PRKD1: variants seen among roughly 807,000 people sequenced by gnomAD.
The protein encoded by PRKD1 is serine/threonine-protein kinase D1.
Under a neutral mutation model 95.9 loss-of-function variants are expected in PRKD1, and 63 were observed. The observed-to-expected ratio is 0.66, with a 90% CI of 0.54 to 0.81. PRKD1 has a LOEUF of 0.81. Ranked by LOEUF, PRKD1 falls within the 30% of genes least tolerant of loss-of-function variation. The probability of loss-of-function intolerance (pLI) is 0.00; values close to 1 mark genes in which losing one functional copy is unlikely to be tolerated. For missense variants in PRKD1, 1,048 were observed against 1,165.3 expected, an observed-to-expected ratio of 0.90 and a Z score of 1.47; for synonymous variants, 425 against 423.1, an observed-to-expected ratio of 1.00 and a Z score of -0.05.
intron 1 of PRKD1, among the ~76,000 whole-genome samples, chr14:29,784,432 G>A (rs1242740941): frequency 6.6e-6 from 1 of 152,150 alleles, no homozygotes; most frequent in African/African-American, 2.4e-5. Flanking sequence ...TGTGAAGAAT[G>A]TCATTGGTAT....
At chr14:29,578,202 A>C (rs936437190) in intron 17 of PRKD1, 73 bp downstream of exon 17, 1 of 1,188,738 alleles carries the variant, frequency 8.4e-7, no homozygotes, top group Non-Finnish European at 1.2e-6. Flanking sequence ...ATTGCAAAAG[A>C]TTTCTAAATA....
intron 1 of PRKD1, among the ~76,000 whole-genome samples, chr14:29,740,250 G>A (rs1243039781): frequency 6.6e-6 from 1 of 152,084 alleles, no homozygotes; most frequent in Non-Finnish European, 1.5e-5. Flanking sequence ...ATAGCACAAT[G>A]AAGATTTTTA....
At chr14:29,827,220 T>C (rs1412217565) in intron 1 of PRKD1, among the ~76,000 whole-genome samples, 1 of 151,862 alleles carries the variant, frequency 6.6e-6, no homozygotes, top group Non-Finnish European at 1.5e-5. Flanking sequence ...CCCCCAAATC[T>C]AGCAAATAAT....
At chr14:29,676,818 C>T (rs1883252848) in intron 2 of PRKD1, among the ~76,000 whole-genome samples, 1 of 152,134 alleles carries the variant, frequency 6.6e-6, no homozygotes. Context: ...ATCAGTGTCA[C>T]AATAGTAAAT....
chr14:29,581,450 T>A (rs750305168), intron 16 of PRKD1, among the ~76,000 whole-genome samples: 9 of 152,164 alleles, frequency 5.9e-5, no homozygotes, highest in Non-Finnish European at 7.3e-5. Context: ...TTAATCTCCA[T>A]TTTAATAAAA....
Position 29,638,685 on chromosome 14 carries a change from CA to C in PRKD1, c.907+8del. On this transcript the variant is annotated splice_region_variant and intron_variant, in intron 5 of 17. Coordinates refer to ENST00000331968, the MANE Select transcript of PRKD1 (RefSeq NM_002742.3). ...ATCAAAGTTCGACAGGTGACAAAAT[CA>C]TCCTTACCTTTGCACTGCAAGCCCT... The C allele has an allele frequency of 6.2e-7, 1 of 1,613,714 alleles. No homozygotes were observed. The highest frequency in any genetic ancestry group is 8.5e-7 in the Non-Finnish European group (1 of 1,179,680).
rs147407603 is a variant in PRKD1, at chr14:29,599,857, T to C, written c.1906-40A>G. The C allele has an allele frequency of 5.7e-4, 897 of 1,560,894 alleles. 3 individuals carry two copies. The Middle Eastern group carries it at 0.01, about 18-fold the overall frequency. On this transcript the variant is annotated intron_variant, in intron 13 of 17. Coordinates refer to ENST00000331968, the MANE Select transcript of PRKD1 (RefSeq NM_002742.3). ...TAAAGCACTTGAAGAAAATGAGTTT[T>C]TTGATACTGTTTGGCAAGCTCGCTG...
At chr14:29,827,883 T>C (rs942633427) in intron 1 of PRKD1, among the ~76,000 whole-genome samples, 3 of 152,136 alleles carry the variant, frequency 2.0e-5, no homozygotes, top group African/African-American at 7.2e-5. Flanking sequence ...AGAGCTCTTC[T>C]TCTTCTGACA....
intron 4 of PRKD1, among the ~76,000 whole-genome samples, chr14:29,656,933 T>C (rs7160105): frequency 0.036 from 5,520 of 152,238 alleles, 291 homozygotes; most frequent in African/African-American, 0.12. Flanking sequence ...AAAAAGGTCA[T>C]CAAAGTAATC....
At chr14:29,787,460 GTCTA>G (rs1566601481) in intron 1 of PRKD1, among the ~76,000 whole-genome samples, 1 of 151,982 alleles carries the variant, frequency 6.6e-6, no homozygotes. Flanking sequence ...CTGTATTGGA[GTCTA>G]TCTGTTTAGC....
intron 1 of PRKD1, among the ~76,000 whole-genome samples, chr14:29,737,088 C>T (rs1321716831): frequency 1.3e-5 from 2 of 150,898 alleles, no homozygotes; most frequent in East Asian, 3.9e-4. Flanking sequence ...TTTGGGAGGC[C>T]GAGGCGGGTG....
chr14:29,805,442 A>C (rs1014720902), intron 1 of PRKD1, among the ~76,000 whole-genome samples: 1 of 152,242 alleles, frequency 6.6e-6, no homozygotes, highest in African/African-American at 2.4e-5. Flanking sequence ...ATTATCTGGG[A>C]TATCAATAGG....
chr14:29,860,085 G>A (rs1263715732), intron 1 of PRKD1, among the ~76,000 whole-genome samples: 3 of 152,198 alleles, frequency 2.0e-5, no homozygotes, highest in Non-Finnish European at 4.4e-5. Context: ...CAAGGCTTAA[G>A]TAGTAGTTTT....
chr14:29,577,572 G>A (rs570378908), intron 17 of PRKD1, 116 bp from the exon 18 acceptor site: 73 of 992,842 alleles, frequency 7.4e-5, no homozygotes, highest in Middle Eastern at 5.8e-4. Flanking sequence ...CTCTAACAGC[G>A]CTGAATCTTT....
chr14:29,710,251 T>G lies in PRKD1; in HGVS notation c.403+15285A>C, dbSNP rs565531316. Among the ~76,000 whole-genome samples, 11 of 152,130 alleles carry G rather than the reference T, an allele frequency of 7.2e-5. No individual in the cohort carries two copies. In the South Asian group the frequency reaches 2.3e-3, roughly 32 times the overall value. The stretch of plus-strand genomic sequence containing the variant: ...TCCCTGCATTGAGGGTGAGACAGAT[T>G]TAGTGACAGAGTTGGGCAAAGGAAG... On this transcript the variant is annotated intron_variant, in intron 2 of 17. Transcript: ENST00000331968.
chr14:29,720,459 T>C (rs940748478), intron 2 of PRKD1, among the ~76,000 whole-genome samples: 1 of 152,086 alleles, frequency 6.6e-6, no homozygotes, highest in Non-Finnish European at 1.5e-5. Flanking sequence ...TAGAAGCTTT[T>C]TGTTTGATTA....
intron 1 of PRKD1, among the ~76,000 whole-genome samples, chr14:29,820,713 C>T (rs1409829348): frequency 1.3e-5 from 2 of 151,930 alleles, no homozygotes; most frequent in South Asian, 4.1e-4. Context: ...TTGTATAACA[C>T]GCTAAGGAAC....
intron 1 of PRKD1, among the ~76,000 whole-genome samples, chr14:29,754,610 C>T (rs1452932603): frequency 6.6e-6 from 1 of 152,014 alleles, no homozygotes. Flanking sequence ...TGGTTTAACT[C>T]TTTATCATAT....
Position 29,833,684 on chromosome 14 carries a change from T to C in PRKD1, c.264+93565A>G, listed in dbSNP as rs1566626766. On this transcript the variant is annotated intron_variant, in intron 1 of 17. Transcript: ENST00000331968. The stretch of plus-strand genomic sequence containing the variant: ...TTTCAGTATAAGAATATTTATAATA[T>C]AGTATTCTACTTTACAATTGACTCC... Among the ~76,000 whole-genome samples, 3 of 152,230 alleles carry C rather than the reference T, an allele frequency of 2.0e-5. No homozygotes were observed. The East Asian group carries it at 5.8e-4, about 29-fold the overall frequency.
Sources: gnomAD v4.1 joint callset for allele counts (sites outside exome capture counted in the v4.1 genomes callset) on GRCh38, gnomAD v4.1.1 for gene constraint, MANE v1.5 for transcripts, NCBI Gene and HGNC (gene_info 2026-07-23, HGNC 2026-07-21) for gene names.